SLC9A9: variants seen among roughly 807,000 people sequenced by gnomAD.
SLC9A9 encodes solute carrier family 9 member A9, also known as sodium/hydrogen exchanger 9.
SLC9A9 carries 62 observed loss-of-function variants against 77.8 expected under a neutral mutation model. The observed-to-expected ratio is 0.80, with a 90% confidence interval of 0.65 to 0.98. SLC9A9 has a LOEUF of 0.98. Among genes scored for constraint, SLC9A9 ranks in the 50% least tolerant of loss-of-function variants. The probability of loss-of-function intolerance (pLI) is 0.00; values close to 1 mark genes in which losing one functional copy is unlikely to be tolerated. For synonymous variants in SLC9A9, 320 were observed against 283.5 expected (o/e 1.13, Z -1.29); for missense variants, 775 against 774.9 (o/e 1.00, Z 0.00).
At chr3:143,623,170 C>T (rs1386365830) in intron 6 of SLC9A9, among the ~76,000 whole-genome samples, 2 of 152,154 alleles carry the variant, frequency 1.3e-5, no homozygotes. Flanking sequence ...TAATGGGAGA[C>T]TTTAACACCC....
rs752633918 is a variant in SLC9A9 at position 143,552,401 on chromosome 3, G to A, written c.1050C>T (p.Tyr350=). Residue 350 remains tyrosine, a synonymous_variant, in exon 9 of 16, where the codon TAC becomes TAT. Transcript: ENST00000316549. The part of the protein sequence containing the change: ...FCGVTQAHYT[Y]NNLSSDSKIR... ...TTTTGGAATCCGAAGACAGATTGTTGTAGGTATAATGTGCTTGTGTGACTC... is the reference window on the plus strand; with the variant it reads ...TTTTGGAATCCGAAGACAGATTGTTATAGGTATAATGTGCTTGTGTGACTC... The A allele has an allele frequency of 6.2e-7, 1 of 1,613,000 alleles. No individual in the cohort carries two copies. The highest frequency in any genetic ancestry group is 2.2e-5 in the East Asian group (1 of 44,788).
intron 4 of SLC9A9, among the ~76,000 whole-genome samples, chr3:143,767,330 G>A (rs9828530): frequency 5.9e-5 from 9 of 151,648 alleles, no homozygotes; most frequent in Non-Finnish European, 1.0e-4. Context: ...ATGAGATGGC[G>A]CTGCCTTTCA....
chr3:143,587,101 A>C (rs1163470940), intron 6 of SLC9A9, among the ~76,000 whole-genome samples: 2 of 152,276 alleles, frequency 1.3e-5, no homozygotes, highest in Non-Finnish European at 2.9e-5. Context: ...TACAAGAGGA[A>C]TTCCGTGGGA....
At chr3:143,477,331 T>TA (rs1491551464) in intron 11 of SLC9A9, among the ~76,000 whole-genome samples, 1 of 13,154 alleles carries the variant, frequency 7.6e-5, no homozygotes, top group African/African-American at 2.8e-4. Context: ...GCTTCTTCAA[T>TA]TTTTTTTTTT....
intron 12 of SLC9A9, among the ~76,000 whole-genome samples, chr3:143,449,966 A>ATAT (rs377200810): frequency 0.2 from 15,438 of 76,978 alleles, 2,281 homozygotes; most frequent in African/African-American, 0.44. Context: ...TATATAATAT[A>ATAT]TATAATATAT....
At chr3:143,509,663 CA>C (rs1447682740) in intron 9 of SLC9A9, among the ~76,000 whole-genome samples, 2 of 152,096 alleles carry the variant, frequency 1.3e-5, no homozygotes, top group African/African-American at 2.4e-5. Context: ...GGTTTGGGGT[CA>C]ATTTTGTTTT....
At chr3:143,513,347 G>A (rs2036148295) in intron 9 of SLC9A9, among the ~76,000 whole-genome samples, 1 of 152,142 alleles carries the variant, frequency 6.6e-6, no homozygotes, top group African/African-American at 2.4e-5. Flanking sequence ...CACTTTCGTT[G>A]CTCATCCATA....
chr3:143,630,996 AT>A (rs1443990367), intron 6 of SLC9A9, among the ~76,000 whole-genome samples: 2 of 152,114 alleles, frequency 1.3e-5, no homozygotes, highest in Non-Finnish European at 2.9e-5. Flanking sequence ...TCAATTGCAA[AT>A]TTGACAAGCC....
At chr3:143,725,660 C>T (rs1934631024) in intron 4 of SLC9A9, among the ~76,000 whole-genome samples, 1 of 135,110 alleles carries the variant, frequency 7.4e-6, no homozygotes, top group South Asian at 2.6e-4. Context: ...ACCGCATGTT[C>T]TCACTCATAG....
Position 143,693,296 on chromosome 3 carries a change from T to C in SLC9A9, c.545A>G (p.Tyr182Cys), listed in dbSNP as rs368916653. 6.2e-6 allele frequency: 10 copies of C among 1,612,516 alleles called. No individual in the cohort carries two copies. The African/African-American group carries it at 8.0e-5, about 13-fold the overall frequency. The change falls in exon 5 of 16, where the codon TAT (tyrosine) becomes TGT (cysteine). Residue 182 changes from tyrosine (Y) to cysteine (C), a missense_variant. By Grantham distance (194) the Tyr-to-Cys change is radical. Transcript: ENST00000316549. Reference protein sequence around the residue: ...ISCIVIGLIMYGFVKAMIHAG... With the variant: ...ISCIVIGLIMCGFVKAMIHAG... The stretch of plus-strand genomic sequence containing the variant: ...ATGTATCATAGCCTTCACAAAACCA[T>C]ACATAATTAACCTGTTGAAGAGAAA...
chr3:143,601,200 C>A (rs1191150659), intron 6 of SLC9A9, among the ~76,000 whole-genome samples: 1 of 152,012 alleles, frequency 6.6e-6, no homozygotes, highest in East Asian at 1.9e-4. Context: ...GACAGCCTGG[C>A]CCTATTGTAG....
At chr3:143,775,228 A>G (rs867637576) in intron 4 of SLC9A9, among the ~76,000 whole-genome samples, 10 of 152,354 alleles carry the variant, frequency 6.6e-5, no homozygotes, top group South Asian at 4.1e-4. Flanking sequence ...TTAGACTGAA[A>G]TCAGAATTGA....
chr3:143,683,004 A>G (rs185075284), intron 5 of SLC9A9, among the ~76,000 whole-genome samples: 1 of 152,288 alleles, frequency 6.6e-6, no homozygotes, highest in East Asian at 1.9e-4. Context: ...AGATTAAGGT[A>G]TGGGCATCTT....
Position 143,266,658 on chromosome 3 carries a change from G to T in SLC9A9, c.*44C>A, listed in dbSNP as rs1422274629. 2.5e-6 allele frequency: 4 copies of T among 1,599,958 alleles called. No individual in the cohort carries two copies. The South Asian group carries it at 4.4e-5, about 18-fold the overall frequency. On this transcript the variant is annotated 3_prime_UTR_variant, in exon 16 of 16. Transcript: ENST00000316549. ...ATCAGCTTGGCTTGTATTCCTCAGTGAGTCTTGCATTACTTGTGATTACAT... is the reference window on the plus strand; with the variant it reads ...ATCAGCTTGGCTTGTATTCCTCAGTTAGTCTTGCATTACTTGTGATTACAT...
At position 143,319,463 on chromosome 3, in the gene SLC9A9, T is replaced by G. The variant is rs571184424; in HGVS notation, c.1604+44021A>C. 1.8e-4 allele frequency among the ~76,000 whole-genome samples: 27 copies of G among 152,334 alleles called. 1 individual carries two copies. Among genetic ancestry groups the G allele is most frequent in the Admixed American group, 1.6e-3 (25 of 15,300 alleles). On this transcript the variant is annotated intron_variant, in intron 14 of 15. Coordinates refer to ENST00000316549, the MANE Select transcript of SLC9A9 (RefSeq NM_173653.4). ...TTGAAGACCAGAGCTCTACCTAATG[T>G]AAATGAGAAGTTAATTCCCTGAGAA...
intron 9 of SLC9A9, among the ~76,000 whole-genome samples, chr3:143,544,326 A>C (rs2036746458): frequency 6.6e-6 from 1 of 152,148 alleles, no homozygotes; most frequent in Non-Finnish European, 1.5e-5. Flanking sequence ...TCCTGGGTTC[A>C]TGCCATTCTC....
intron 14 of SLC9A9, among the ~76,000 whole-genome samples, chr3:143,313,561 A>G (rs2031096054): frequency 6.6e-6 from 1 of 152,130 alleles, no homozygotes; most frequent in Non-Finnish European, 1.5e-5. Context: ...TTTCTTTATG[A>G]TCCCTTGCCA....
chr3:143,831,969 C>G, intron 2 of SLC9A9, 50 bp downstream of exon 2: 4 of 1,505,262 alleles, frequency 2.7e-6, no homozygotes, highest in Non-Finnish European at 2.7e-6. Context: ...AAATATGATA[C>G]AATTATTTAT....
chr3:143,271,117 G>A (rs1398439919), intron 14 of SLC9A9, among the ~76,000 whole-genome samples: 2 of 145,866 alleles, frequency 1.4e-5, no homozygotes, highest in African/African-American at 5.7e-5. Flanking sequence ...TTATCAGATC[G>A]AAAAAGCATA....
Sources: allele counts gnomAD v4.1 joint callset (sites outside exome capture counted in the v4.1 genomes callset), GRCh38; gene constraint gnomAD v4.1.1; transcripts MANE v1.5; gene names NCBI Gene and HGNC (gene_info 2026-07-23, HGNC 2026-07-21).